The following SRPK2 variants were observed in gnomAD, a reference collection of about 807,000 sequenced individuals.
The protein encoded by SRPK2 is SRSF protein kinase 2, also known as SFRS protein kinase 2.
SRPK2 carries 21 observed loss-of-function variants against 90.8 expected under a neutral mutation model. The observed-to-expected ratio is 0.23, with a 90% confidence interval of 0.16 to 0.33. The LOEUF (loss-of-function observed/expected upper bound fraction) is 0.33, where lower values mean the gene tolerates loss of function less well. Ranked by LOEUF, SRPK2 falls within the 10% of genes least tolerant of loss-of-function variation. The pLI, the probability that SRPK2 is intolerant of heterozygous loss-of-function variation, is 1.00. For synonymous variants in SRPK2, 288 were observed against 311.1 expected, an observed-to-expected ratio of 0.93 and a Z score of 0.78; for missense variants, 620 against 869.0, an observed-to-expected ratio of 0.71 and a Z score of 3.60.
upstream of SRPK2, chr7:105,389,268 C>T (rs1340622516): frequency 3.1e-6 from 4 of 1,270,334 alleles, no homozygotes; most frequent in Non-Finnish European, 4.1e-6. Flanking sequence ...CCGCCCGCTG[C>T]TCCATGCGCC....
chr7:105,316,556 T>C (rs1424619615), intron 2 of SRPK2, among the ~76,000 whole-genome samples: 2 of 152,228 alleles, frequency 1.3e-5, no homozygotes, highest in East Asian at 3.8e-4. Flanking sequence ...TCCATGACTT[T>C]AATTTTACAA....
rs1249363180 is a variant in SRPK2, at chr7:105,301,900, C to G, written c.71+86748G>C. The G allele has an allele frequency of 3.7e-6, 6 of 1,603,482 alleles. No individual in the cohort carries two copies. In the Admixed American group the frequency reaches 1.0e-4, roughly 27 times the overall value. ...ATTCCACAACATCGATAAGCAATAT[C>G]ATCTCAATTGAAACTCCTAATACAG... On this transcript the variant is annotated intron_variant, in intron 2 of 15. Coordinates refer to ENST00000393651, the MANE Select transcript of SRPK2 (RefSeq NM_182692.3).
At chr7:105,300,199 G>A (rs975870389) in intron 2 of SRPK2, among the ~76,000 whole-genome samples, 3 of 144,966 alleles carry the variant, frequency 2.1e-5, no homozygotes, top group Non-Finnish European at 3.0e-5. Context: ...GCTACAGTGA[G>A]CCAAGATCAC....
At chr7:105,379,672 C>T (rs1166164137) in intron 2 of SRPK2, among the ~76,000 whole-genome samples, 1 of 152,158 alleles carries the variant, frequency 6.6e-6, no homozygotes, top group Non-Finnish European at 1.5e-5. Flanking sequence ...AATCATCAAA[C>T]TGTACAATTA....
chr7:105,196,911 A>C (rs1344006048), intron 3 of SRPK2, among the ~76,000 whole-genome samples: 2 of 151,990 alleles, frequency 1.3e-5, no homozygotes, highest in Non-Finnish European at 2.9e-5. Context: ...TCAGCTGAGC[A>C]TGGTGGTGCA....
intron 2 of SRPK2, among the ~76,000 whole-genome samples, chr7:105,324,340 T>C (rs1813317818): frequency 6.6e-6 from 1 of 151,218 alleles, no homozygotes; most frequent in Non-Finnish European, 1.5e-5. Context: ...TCTTTTTTTT[T>C]GAGATGGAGT....
chr7:105,294,455 G>A (rs1265808787), intron 2 of SRPK2, among the ~76,000 whole-genome samples: 1 of 152,166 alleles, frequency 6.6e-6, no homozygotes, highest in African/African-American at 2.4e-5. Context: ...CATCCCTTGT[G>A]AGGTTTGAAA....
At chr7:105,350,077 A>T (rs1227920463) in intron 2 of SRPK2, among the ~76,000 whole-genome samples, 1 of 150,014 alleles carries the variant, frequency 6.7e-6, no homozygotes, top group Non-Finnish European at 1.5e-5. Flanking sequence ...TATGCTAAAT[A>T]TATCACCTGA....
At position 105,117,585 on chromosome 7, in the gene SRPK2, A is replaced by T. The variant is rs568350122; in HGVS notation, c.*253T>A. On this transcript the variant is annotated 3_prime_UTR_variant, in exon 16 of 16. Coordinates refer to ENST00000393651, the MANE Select transcript of SRPK2 (RefSeq NM_182692.3). The stretch of plus-strand genomic sequence containing the variant: ...TTGAATGTCACACAACACAAGAAAC[A>T]ATGCTTAGAGACATGTTATTGTTTC... 3.1e-5 allele frequency: 15 copies of T among 487,174 alleles called. No individual in the cohort carries two copies. The highest frequency in any genetic ancestry group is 2.8e-4 in the African/African-American group (14 of 50,334). The allele number at this position is 487,174 out of a possible 1,614,324, so 30.2% of individuals were successfully genotyped here.
chr7:105,279,085 C>A (rs2047819360), intron 2 of SRPK2, among the ~76,000 whole-genome samples: 1 of 152,132 alleles, frequency 6.6e-6, no homozygotes, highest in South Asian at 2.1e-4. Flanking sequence ...GTAGCCTTTG[C>A]CAGTACCAGC....
At chr7:105,341,530 A>G (rs1437616762) in intron 2 of SRPK2, among the ~76,000 whole-genome samples, 4 of 152,008 alleles carry the variant, frequency 2.6e-5, no homozygotes, top group African/African-American at 4.8e-5. Flanking sequence ...AAAATTAGTC[A>G]GGCATGGTGG....
chr7:105,389,151 CT>C (rs917651366), upstream of SRPK2: 30 of 1,016,836 alleles, frequency 3.0e-5, no homozygotes, highest in African/African-American at 4.7e-4. Flanking sequence ...CCTCCGCCTC[CT>C]GCGATCCTGC....
chr7:105,115,558 T>C (rs1009258626), downstream of SRPK2: 4 of 152,200 alleles, frequency 2.6e-5, no homozygotes, highest in African/African-American at 4.8e-5. Flanking sequence ...GAGCTAGTTA[T>C]AATGTTTAGC....
At chr7:105,345,952 T>C (rs954550431) in intron 2 of SRPK2, among the ~76,000 whole-genome samples, 2 of 152,234 alleles carry the variant, frequency 1.3e-5, no homozygotes, top group Non-Finnish European at 2.9e-5. Flanking sequence ...TCACAGAAAG[T>C]TCTGTTCGGT....
At chr7:105,118,499 G>A (rs1464180649) in intron 15 of SRPK2, among the ~76,000 whole-genome samples, 1 of 152,182 alleles carries the variant, frequency 6.6e-6, no homozygotes, top group East Asian at 1.9e-4. Flanking sequence ...GCTAGCTGCA[G>A]TATGAAAAGT....
At chr7:105,127,772 T>TA (rs1801418189) in intron 13 of SRPK2, among the ~76,000 whole-genome samples, 1 of 152,200 alleles carries the variant, frequency 6.6e-6, no homozygotes, top group African/African-American at 2.4e-5. Context: ...GAGTTTAAGC[T>TA]AGTAACAATA....
At chr7:105,343,738 T>G (rs1816105942) in intron 2 of SRPK2, among the ~76,000 whole-genome samples, 1 of 152,188 alleles carries the variant, frequency 6.6e-6, no homozygotes, top group African/African-American at 2.4e-5. Context: ...TCTTTATCTC[T>G]TAGTTTACAA....
In SRPK2 at chr7:105,388,840, C is replaced by A; in HGVS notation, c.-34G>T. On this transcript the variant is annotated 5_prime_UTR_variant, in exon 1 of 16. Transcript: ENST00000393651. ...GGCGGAAGCGGGGCGGGGGGCTTCGCGACGGCGACGCGGGCGCCGAGACGA... is the reference window on the plus strand; with the variant it reads ...GGCGGAAGCGGGGCGGGGGGCTTCGAGACGGCGACGCGGGCGCCGAGACGA... 2 of 1,322,968 alleles carry A rather than the reference C, an allele frequency of 1.5e-6. No individual in the cohort carries two copies. Among genetic ancestry groups the A allele is most frequent in the Admixed American group, 4.0e-5 (1 of 25,134 alleles). The allele number at this position is 1,322,968 out of a possible 1,614,324, so 82.0% of individuals were successfully genotyped here. A position where few individuals can be genotyped will look rare whatever the true frequency, so the allele number is the denominator to read the frequency against.
chr7:105,276,976 C>T (rs1202556221), intron 2 of SRPK2, among the ~76,000 whole-genome samples: 1 of 152,110 alleles, frequency 6.6e-6, no homozygotes, highest in Non-Finnish European at 1.5e-5. Flanking sequence ...CTTCTCCTGC[C>T]ACTACCAATT....
Sources: allele counts gnomAD v4.1 joint callset (sites outside exome capture counted in the v4.1 genomes callset), GRCh38; gene constraint gnomAD v4.1.1; transcripts MANE v1.5; gene names NCBI Gene and HGNC (gene_info 2026-07-23, HGNC 2026-07-21).